MYOM2: variants seen among roughly 807,000 people sequenced by gnomAD.
MYOM2 encodes myomesin 2.
MYOM2 carries 254 observed loss-of-function variants against 187.6 expected under a neutral mutation model. The ratio of observed to expected loss-of-function variants is 1.35; its 90% confidence interval spans 1.22 to 1.50. The LOEUF (loss-of-function observed/expected upper bound fraction) is 1.50, where lower values mean the gene tolerates loss of function less well. Ranked by LOEUF, MYOM2 falls within the 40% of genes most tolerant of loss-of-function variation. MYOM2 has a pLI of 0.00. For missense variants in MYOM2, 2,796 were observed against 1,924.0 expected, an observed-to-expected ratio of 1.45 and a Z score of -8.48; for synonymous variants, 981 against 753.8, an observed-to-expected ratio of 1.30 and a Z score of -4.94.
At chr8:2,134,462 G>A (rs1020580890) in intron 32 of MYOM2, among the ~76,000 whole-genome samples, 3 of 151,998 alleles carry the variant, frequency 2.0e-5, no homozygotes, top group Non-Finnish European at 4.4e-5. Context: ...TTTTTCTCTT[G>A]GTAATTAGTA....
intron 8 of MYOM2, among the ~76,000 whole-genome samples, 197 bp from the exon 9 acceptor site, chr8:2,072,148 G>A (rs1407869853): frequency 6.6e-6 from 1 of 152,086 alleles, no homozygotes; most frequent in African/African-American, 2.4e-5. Context: ...CCCTAATGGC[G>A]TGAACCCGGG....
At chr8:2,057,872 G>A (rs764978447) in intron 5 of MYOM2, 92 bp downstream of exon 5, 172 of 1,380,316 alleles carry the variant, frequency 1.2e-4, no homozygotes, top group Non-Finnish European at 1.5e-4. Context: ...CATTGAACCT[G>A]TGCTGGAGGC....
chr8:2,083,915 T>G (rs1819720877), intron 13 of MYOM2, among the ~76,000 whole-genome samples: 2 of 152,214 alleles, frequency 1.3e-5, no homozygotes, highest in South Asian at 4.1e-4. Flanking sequence ...GGCCTTTTGC[T>G]ACATGCAGGG....
rs994058584 is a variant in MYOM2, at chr8:2,057,743, T to C, written c.523T>C (p.Phe175Leu). 3.1e-6 allele frequency: 5 copies of C among 1,613,956 alleles called. No individual in the cohort carries two copies. In the African/African-American group the frequency reaches 5.3e-5, roughly 17 times the overall value. The change falls in exon 5 of 37, where the codon TTC (phenylalanine) becomes CTC (leucine). Residue 175 changes from phenylalanine (F) to leucine (L), a missense_variant. Transcript: ENST00000262113. ...GGAGAGGATGTCTGTGAAACTCTGC[T>C]TCACCGTGCAAGGATTTCCCACGCC... is the stretch of plus-strand genomic sequence containing the variant. Reference protein sequence around the residue: ...VWERMSVKLCFTVQGFPTPVV... With the variant: ...VWERMSVKLCLTVQGFPTPVV...
At chr8:2,120,578 G>A (rs1184277545) in intron 28 of MYOM2, among the ~76,000 whole-genome samples, 1 of 142,620 alleles carries the variant, frequency 7.0e-6, no homozygotes, top group Non-Finnish European at 1.5e-5. Flanking sequence ...GTTACTCCTA[G>A]AAATTTGTGT....
chr8:2,054,393 A>G (rs773187694), intron 3 of MYOM2, among the ~76,000 whole-genome samples: 1 of 152,184 alleles, frequency 6.6e-6, no homozygotes, highest in Non-Finnish European at 1.5e-5. Flanking sequence ...CTTCAGTCCC[A>G]GTGAAAAATG....
chr8:2,055,487 T>C (rs868273490), intron 3 of MYOM2, among the ~76,000 whole-genome samples: 1 of 152,196 alleles, frequency 6.6e-6, no homozygotes, highest in Admixed American at 6.5e-5. Flanking sequence ...CCCTAAACAT[T>C]GTAGGGAAAG....
chr8:2,070,376 G>A (rs1171942529), intron 8 of MYOM2, among the ~76,000 whole-genome samples: 1 of 152,202 alleles, frequency 6.6e-6, no homozygotes, highest in East Asian at 1.9e-4. Flanking sequence ...CGCTGTGGGC[G>A]TGGCCTCTGC....
rs1819364025 is a variant in MYOM2, at chr8:2,074,868, C to T, written c.1121-1273C>T. 2.0e-5 allele frequency among the ~76,000 whole-genome samples: 3 copies of T among 152,346 alleles called. No individual in the cohort carries two copies. In the South Asian group the frequency reaches 6.2e-4, roughly 32 times the overall value. ...GCCTCCTTGCTGAGGCACAGCTGAC[C>T]TACAAAGAAGGCGTCAGAGCGCTCC... On this transcript the variant is annotated intron_variant, in intron 10 of 36. Coordinates refer to ENST00000262113, the MANE Select transcript of MYOM2 (RefSeq NM_003970.4).
intron 11 of MYOM2, 152 bp from the exon 12 acceptor site, chr8:2,078,582 C>G: frequency 1.5e-6 from 1 of 647,010 alleles, no homozygotes; most frequent in Non-Finnish European, 2.7e-6. Flanking sequence ...TAATGTTTAT[C>G]TATACAAGTC....
chr8:2,055,699 G>A (rs1468797074), intron 3 of MYOM2, among the ~76,000 whole-genome samples: 1 of 152,166 alleles, frequency 6.6e-6, no homozygotes, highest in Admixed American at 6.5e-5. Context: ...AATCGCTGCT[G>A]GGGAAGCGCT....
chr8:2,133,487 G>T (rs117953372), intron 32 of MYOM2, among the ~76,000 whole-genome samples: 2 of 152,182 alleles, frequency 1.3e-5, no homozygotes, highest in Non-Finnish European at 2.9e-5. Context: ...CAGAGTCGGA[G>T]TGTTGCTCTG....
At chr8:2,138,771 C>G (rs563070359) in intron 32 of MYOM2, among the ~76,000 whole-genome samples, 4 of 152,162 alleles carry the variant, frequency 2.6e-5, no homozygotes, top group Admixed American at 2.6e-4. Context: ...AACAACCGCA[C>G]ATGGGCAGTG....
intron 1 of MYOM2, among the ~76,000 whole-genome samples, chr8:2,047,606 T>C (rs895979592): frequency 6.6e-6 from 1 of 152,216 alleles, no homozygotes; most frequent in Non-Finnish European, 1.5e-5. Flanking sequence ...TGGAATCAAC[T>C]GAGGCTGATG....
chr8:2,132,746 A>T (rs1015871706), intron 32 of MYOM2, among the ~76,000 whole-genome samples: 2 of 152,170 alleles, frequency 1.3e-5, no homozygotes, highest in Non-Finnish European at 2.9e-5. Flanking sequence ...GCATACAAAG[A>T]AGTGCATGCT....
intron 25 of MYOM2, among the ~76,000 whole-genome samples, chr8:2,111,415 C>G (rs1024025854): frequency 6.6e-6 from 1 of 152,210 alleles, no homozygotes; most frequent in Non-Finnish European, 1.5e-5. Context: ...ATGGAAAAAG[C>G]TGCTATATTG....
At chr8:2,097,532 C>T (rs968446365) in intron 18 of MYOM2, among the ~76,000 whole-genome samples, 2 of 152,062 alleles carry the variant, frequency 1.3e-5, no homozygotes, top group South Asian at 2.1e-4. Context: ...ATTTAGTTTT[C>T]GAGACAGAGT....
chr8:2,141,197 T>G lies in MYOM2; in HGVS notation c.4001+20T>G. 1 of 1,610,562 alleles carries G rather than the reference T, an allele frequency of 6.2e-7. No homozygotes were observed. Among genetic ancestry groups the G allele is most frequent in the African/African-American group, 1.3e-5 (1 of 75,006 alleles). ...ATTCAAGTAAGATTTGTGTATTTAG[T>G]TACTATGATATCCTGTGGGCAGTTG... On this transcript the variant is annotated intron_variant, in intron 34 of 36. Transcript: ENST00000262113.
chr8:2,077,286 G>A (rs901589786), intron 11 of MYOM2, among the ~76,000 whole-genome samples: 49 of 151,910 alleles, frequency 3.2e-4, no homozygotes, highest in African/African-American at 1.1e-3. Flanking sequence ...CTCCAGCCTG[G>A]CAACACAGTG....
Sources: allele counts gnomAD v4.1 joint callset (sites outside exome capture counted in the v4.1 genomes callset), GRCh38; gene constraint gnomAD v4.1.1; transcripts MANE v1.5; gene names NCBI Gene and HGNC (gene_info 2026-07-23, HGNC 2026-07-21).